The following GUK1 variants were observed in gnomAD, a reference collection of about 807,000 sequenced individuals.
GUK1 encodes the protein guanylate kinase 1.
A neutral mutation model predicts 25.2 loss-of-function variants in GUK1; 18 were observed. That is an observed-to-expected ratio of 0.71 (90% CI 0.49 to 1.06). GUK1 has a LOEUF of 1.06. Ranked by LOEUF, GUK1 falls within the 50% of genes least tolerant of loss-of-function variation. The pLI is 0.00. For missense variants in GUK1, 261 were observed against 276.7 expected (o/e 0.94, Z 0.40); for synonymous variants, 105 against 117.6 (o/e 0.89, Z 0.69).
chr1:228,146,383 C>T lies in GUK1; in HGVS notation c.154+316C>T, dbSNP rs998377549. The T allele has an allele frequency of 1.6e-5, 8 of 507,310 alleles. No homozygotes were observed. The Admixed American group carries it at 2.7e-4, about 17-fold the overall frequency. The allele number at this position is 507,310 out of a possible 1,614,324, so 31.4% of individuals were successfully genotyped here. ...CTTATCAGCACTTTTGAGCTGTCTT[C>T]TGGAGTCCTGGTAAAAAGGGCTACT... is the stretch of plus-strand genomic sequence containing the variant. On this transcript the variant is annotated intron_variant, in intron 4 of 8. Coordinates refer to ENST00000312726, the MANE Select transcript of GUK1 (RefSeq NM_000858.7).
Position 228,147,425 on chromosome 1 carries a change from G to C in GUK1, c.271G>C (p.Val91Leu), listed in dbSNP as rs200469661. 1 of 1,611,926 alleles carries C rather than the reference G, an allele frequency of 6.2e-7. No individual in the cohort carries two copies. The highest frequency in any genetic ancestry group is 1.1e-5 in the South Asian group (1 of 91,054). The change falls in exon 6 of 9, where the codon GTG becomes CTG. Residue 91 changes from valine (V) to leucine (L), a missense_variant. By Grantham distance (32) the Val-to-Leu change is conservative (BLOSUM62 1). Transcript: ENST00000312726. The stretch of plus-strand genomic sequence containing the variant: ...CCCCAGCAAGGTGGCGGTGCAGGCC[G>C]TGCAGGCCATGAACCGCATCTGTGT...
intron 7 of GUK1, 39 bp downstream of exon 6, chr1:228,147,738 G>C (rs2034466588): frequency 6.3e-7 from 1 of 1,583,812 alleles, no homozygotes; most frequent in Non-Finnish European, 8.7e-7. Context: ...TGCCAGGAGG[G>C]GAGTCAGGGT....
chr1:228,140,510 G>A (rs891978417), intron 1 of GUK1, 147 bp downstream of exon 1: 1 of 658,424 alleles, frequency 1.5e-6, no homozygotes, highest in Non-Finnish European at 2.4e-6. Context: ...CCCTGAGAAC[G>A]GGGGAGCTCT....
At chr1:228,141,938 T>C (rs192703509) in intron 2 of GUK1, 81 of 350,510 alleles carry the variant, frequency 2.3e-4, no homozygotes, top group Middle Eastern at 1.7e-3. Flanking sequence ...AATGCTTCCC[T>C]CTGCCCACAG....
chr1:228,140,478 C>T, intron 1 of GUK1, 115 bp downstream of exon 1: 1 of 752,148 alleles, frequency 1.3e-6, no homozygotes, highest in South Asian at 1.9e-5. Context: ...CCGAGACGCC[C>T]TGTGCCGCAT....
At chr1:228,147,127 C>G (rs368720929) in intron 5 of GUK1, among the ~76,000 whole-genome samples, 189 bp downstream of exon 4, 3 of 152,208 alleles carry the variant, frequency 2.0e-5, no homozygotes, top group Non-Finnish European at 4.4e-5. Flanking sequence ...CTGCTGGGCC[C>G]GGTCCTGCCA....
intron 2 of GUK1, chr1:228,144,905 T>G (rs1031971363): frequency 5.7e-5 from 9 of 157,710 alleles, no homozygotes; most frequent in Non-Finnish European, 1.1e-4. Flanking sequence ...GCATCACAGA[T>G]AGGAGTCCCA....
chr1:228,140,623 C>T (rs1308040686), intron 1 of GUK1, among the ~76,000 whole-genome samples: 5 of 152,230 alleles, frequency 3.3e-5, no homozygotes, highest in Non-Finnish European at 7.3e-5. Flanking sequence ...TCGAGCTGCT[C>T]CCCGGGCGTA....
chr1:228,145,698 C>A, intron 3 of GUK1, 74 bp downstream of exon 2: 2 of 1,534,216 alleles, frequency 1.3e-6, no homozygotes, highest in South Asian at 1.2e-5. Flanking sequence ...GTGAGCAGGC[C>A]AGGAGCCCAA....
At position 228,148,152 on chromosome 1, in the gene GUK1, C is replaced by G. The variant is rs180964631; in HGVS notation, c.476-219C>G. On this transcript the variant is annotated intron_variant, in intron 7 of 8. Transcript: ENST00000312726. The stretch of plus-strand genomic sequence containing the variant: ...TCCTGATGGGTGCTGGTGTCCAGAC[C>G]CAAGTTCTGGGGCTCCAGAGAGAGC... 585 of 648,948 alleles carry G rather than the reference C, an allele frequency of 9.0e-4. 7 individuals carry two copies. The African/African-American group carries it at 9.4e-3, about 10-fold the overall frequency. The allele number at this position is 648,948 out of a possible 1,614,324, so 40.2% of individuals were successfully genotyped here. A position where few individuals can be genotyped will look rare whatever the true frequency, so the allele number is the denominator to read the frequency against.
Position 228,147,507 on chromosome 1 carries a change from T to C in GUK1, c.353T>C (p.Ile118Thr), listed in dbSNP as rs1014377651. Residue 118 changes from isoleucine (I) to threonine (T), a missense_variant, in exon 6 of 9, where the codon ATC becomes ACC. Physicochemically the swap from Ile to Thr is moderately conservative, Grantham distance 89. Transcript: ENST00000312726. ...ATCAAGGCCACCGATCTGCGGCCCA[T>C]CTACATCTCTGTGCAGCCGCCTTCA... 2.0e-5 allele frequency: 33 copies of C among 1,613,276 alleles called. No homozygotes were observed. Among genetic ancestry groups the C allele is most frequent in the Non-Finnish European group, 2.8e-5 (33 of 1,179,962 alleles).
At chr1:228,144,737 G>A in intron 2 of GUK1, 1 of 985,158 alleles carries the variant, frequency 1.0e-6, no homozygotes, top group Non-Finnish European at 1.2e-6. Flanking sequence ...TACAGAGGCT[G>A]CACCTCAGCA....
upstream of GUK1, chr1:228,140,259 C>G (rs1366556605): frequency 2.7e-6 from 4 of 1,498,050 alleles, no homozygotes; most frequent in Admixed American, 2.0e-5. Context: ...TGGGCCGGTG[C>G]GGCGCTGTCA....
Position 228,140,351 on chromosome 1 carries a change from G to T in GUK1, c.-180G>T, listed in dbSNP as rs2033972092. 2 of 1,524,174 alleles carry T rather than the reference G, an allele frequency of 1.3e-6. No individual in the cohort carries two copies. Among genetic ancestry groups the T allele is most frequent in the Non-Finnish European group, 8.7e-7 (1 of 1,143,866 alleles). 94.4% of individuals were successfully genotyped at this position (1,524,174 alleles called of 1,614,324 possible). On this transcript the variant is annotated 5_prime_UTR_variant, in exon 1 of 9. Transcript: ENST00000312726. ...GCTGGCTGCGGCCGCCCTGGGCCGG[G>T]CCCCACCGGACGGTGAGTACGACAA...
At chr1:228,143,668 G>A (rs1275462655) in intron 2 of GUK1, among the ~76,000 whole-genome samples, 2 of 152,208 alleles carry the variant, frequency 1.3e-5, no homozygotes, top group African/African-American at 2.4e-5. Flanking sequence ...AAGCTGAATG[G>A]ATAAAGAACC....
intron 2 of GUK1, among the ~76,000 whole-genome samples, chr1:228,143,053 A>G (rs2034150041): frequency 6.6e-6 from 1 of 152,072 alleles, no homozygotes; most frequent in African/African-American, 2.4e-5. Context: ...CTGTGGGCCC[A>G]GCTTCACTTC....
At chr1:228,146,559 T>C in intron 4 of GUK1, 1 of 461,268 alleles carries the variant, frequency 2.2e-6, no homozygotes, top group South Asian at 2.4e-5. Context: ...CCAGAACCTG[T>C]TGGTCTCCAG....
intron 7 of GUK1, 44 bp downstream of exon 6, chr1:228,147,743 C>G: frequency 6.4e-7 from 1 of 1,573,510 alleles, no homozygotes; most frequent in South Asian, 1.1e-5. Flanking sequence ...GGAGGGGAGT[C>G]AGGGTTCTGA....
In GUK1 at chr1:228,148,877, G is replaced by C; in HGVS notation, c.*180G>C. The C allele has an allele frequency of 6.8e-7, 1 of 1,480,676 alleles. No homozygotes were observed. Among genetic ancestry groups the C allele is most frequent in the Non-Finnish European group, 9.2e-7 (1 of 1,091,864 alleles). 91.7% of individuals were successfully genotyped at this position (1,480,676 alleles called of 1,614,324 possible). On this transcript the variant is annotated 3_prime_UTR_variant, in exon 9 of 9. Coordinates refer to ENST00000312726, the MANE Select transcript of GUK1 (RefSeq NM_000858.7). ...ACCCCCGACCCAGCCTCGCTGGGCT[G>C]TCCCCTGTCCCTATCTCTCACTCTG... is the stretch of plus-strand genomic sequence containing the variant.
Sources: gnomAD v4.1 joint callset for allele counts (sites outside exome capture counted in the v4.1 genomes callset) on GRCh38, gnomAD v4.1.1 for gene constraint, MANE v1.5 for transcripts, NCBI Gene and HGNC (gene_info 2026-07-23, HGNC 2026-07-21) for gene names.